ABCB5: variants seen among roughly 807,000 people sequenced by gnomAD.
The protein encoded by ABCB5 is ATP-binding cassette sub-family B member 5.
A neutral mutation model predicts 144.2 loss-of-function variants in ABCB5; 155 were observed. The observed-to-expected ratio is 1.08, with a 90% CI of 0.94 to 1.23. ABCB5 has a LOEUF of 1.23. Ranked by LOEUF, ABCB5 falls within the 50% of genes most tolerant of loss-of-function variation. The probability of loss-of-function intolerance (pLI) is 0.00; values close to 1 mark genes in which losing one functional copy is unlikely to be tolerated. For synonymous variants in ABCB5, 610 were observed against 528.6 expected (o/e 1.15, Z -2.11); for missense variants, 1,830 against 1,520.8 (o/e 1.20, Z -3.38).
chr7:20,635,580 C>T lies in ABCB5; in HGVS notation c.314+3467C>T, dbSNP rs148428986. On this transcript the variant is annotated intron_variant, in intron 5 of 27. Transcript: ENST00000404938. ...CCATTTGTTTGTATCATCTGCAATT[C>T]CTCTCATTGATGTTTTGTAGTTTTC... 2.3e-3 allele frequency among the ~76,000 whole-genome samples: 353 copies of T among 151,722 alleles called. 4 individuals carry two copies. Among genetic ancestry groups the T allele is most frequent in the East Asian group, 0.021 (110 of 5,174 alleles).
intron 25 of ABCB5, among the ~76,000 whole-genome samples, chr7:20,744,406 T>G (rs1043726780): frequency 2.0e-5 from 3 of 152,106 alleles, no homozygotes; most frequent in Non-Finnish European, 4.4e-5. Context: ...CTTTGCAGGC[T>G]CCTTCTCACT....
At position 20,712,158 on chromosome 7, in the gene ABCB5, C is replaced by CAAAAA. The variant is rs34938819; in HGVS notation, c.2421+7371_2421+7375dup. Among the ~76,000 whole-genome samples, 69 of 52,626 alleles carry CAAAAA rather than the reference C, an allele frequency of 1.3e-3. 2 individuals are homozygous for CAAAAA. The highest frequency in any genetic ancestry group is 0.018 in the Middle Eastern group (1 of 56). 34.5% of individuals were successfully genotyped at this position (52,626 alleles called of 152,430 possible). A position where few individuals can be genotyped will look rare whatever the true frequency, so the allele number is the denominator to read the frequency against. On this transcript the variant is annotated intron_variant, in intron 20 of 27. Coordinates refer to ENST00000404938, the MANE Select transcript of ABCB5 (RefSeq NM_001163941.2). ...CCTGGGTGACACAGCAAGACGCCGT[C>CAAAAA]AAAAAAAAAAAAAAAAAAAAAAAAG...
At chr7:20,681,153 G>A (rs1039372435) in intron 14 of ABCB5, among the ~76,000 whole-genome samples, 7 of 143,696 alleles carry the variant, frequency 4.9e-5, no homozygotes, top group African/African-American at 1.0e-4. Flanking sequence ...TTTTTGAGAC[G>A]GAGTTTCCTG....
At chr7:20,656,906 CTTTTTCTTTTTT>C (rs750894530) in intron 13 of ABCB5, among the ~76,000 whole-genome samples, 2 of 135,738 alleles carry the variant, frequency 1.5e-5, no homozygotes, top group African/African-American at 2.8e-5. Flanking sequence ...TTTCTTTTTC[CTTTTTCTTTTTT>C]TTTTTTTTTT....
At chr7:20,674,861 G>T (rs570841129) in intron 14 of ABCB5, among the ~76,000 whole-genome samples, 94 of 151,546 alleles carry the variant, frequency 6.2e-4, no homozygotes, top group African/African-American at 2.1e-3. Flanking sequence ...TTGCATTTCT[G>T]TTCACAACAA....
chr7:20,619,176 G>A (rs1051346986), intron 1 of ABCB5, among the ~76,000 whole-genome samples: 4 of 152,144 alleles, frequency 2.6e-5, no homozygotes, highest in African/African-American at 9.7e-5. Context: ...AAGAGTGCAT[G>A]CGTCTGTTGT....
chr7:20,667,780 T>G (rs908296417), intron 14 of ABCB5, among the ~76,000 whole-genome samples: 1 of 140,312 alleles, frequency 7.1e-6, no homozygotes, highest in African/African-American at 2.6e-5. Context: ...GAGCCAAACC[T>G]GGACTGTACT....
chr7:20,693,122 C>G (rs767756438), intron 16 of ABCB5, among the ~76,000 whole-genome samples: 1 of 152,052 alleles, frequency 6.6e-6, no homozygotes, highest in Non-Finnish European at 1.5e-5. Flanking sequence ...ATATTCTGGA[C>G]TATAACACAA....
intron 5 of ABCB5, among the ~76,000 whole-genome samples, chr7:20,632,653 C>T (rs1360227682): frequency 2.6e-5 from 4 of 152,038 alleles, no homozygotes; most frequent in African/African-American, 9.7e-5. Context: ...GAATGTGGCA[C>T]ATACACACCA....
At position 20,658,748 on chromosome 7, in the gene ABCB5, G is replaced by C. The variant is rs559462138; in HGVS notation, c.1707+72G>C. 41 of 1,535,216 alleles carry C rather than the reference G, an allele frequency of 2.7e-5. No homozygotes were observed. The African/African-American group carries it at 4.8e-4, about 18-fold the overall frequency. On this transcript the variant is annotated intron_variant, in intron 14 of 27. Transcript: ENST00000404938. ...TTGTTTTGAAGTACAAGAAAGTATAGATCTGTAATAGATTACTCAAGTTGA... is the reference window on the plus strand; with the variant it reads ...TTGTTTTGAAGTACAAGAAAGTATACATCTGTAATAGATTACTCAAGTTGA...
chr7:20,715,745 A>ATG (rs1781655272), intron 20 of ABCB5, among the ~76,000 whole-genome samples: 1 of 146,390 alleles, frequency 6.8e-6, no homozygotes, highest in African/African-American at 2.6e-5. Context: ...TTTTTTTGAG[A>ATG]CAGTCTCTCT....
intron 23 of ABCB5, among the ~76,000 whole-genome samples, chr7:20,733,162 G>A (rs943125385): frequency 6.6e-6 from 1 of 151,592 alleles, no homozygotes; most frequent in Admixed American, 6.6e-5. Flanking sequence ...AGATTCCAGA[G>A]GTTTGGTTTA....
At chr7:20,725,440 A>T (rs1583453436) in intron 21 of ABCB5, among the ~76,000 whole-genome samples, 2 of 152,164 alleles carry the variant, frequency 1.3e-5, no homozygotes, top group Admixed American at 1.3e-4. Flanking sequence ...TTAACCAGGT[A>T]TGGTGGCACA....
chr7:20,698,507 C>G lies in ABCB5; in HGVS notation c.2111C>G (p.Thr704Ser). Residue 704 changes from threonine to serine, a missense_variant, in exon 17 of 28, where the codon ACT (threonine) becomes AGT (serine). Thr to Ser is a moderately conservative substitution (Grantham distance 58). Coordinates refer to ENST00000404938, the MANE Select transcript of ABCB5 (RefSeq NM_001163941.2). ...LGTLASVLNG[T>S]VHPVFSIIFA... Reference sequence around the variant, plus strand: ...ACATTGGCTTCTGTTCTAAATGGAACTGTTCATCCAGTATTTTCCATCATC... The same window carrying G: ...ACATTGGCTTCTGTTCTAAATGGAAGTGTTCATCCAGTATTTTCCATCATC... 6.2e-7 allele frequency: 1 copy of G among 1,602,244 alleles called. No individual in the cohort carries two copies. The highest frequency in any genetic ancestry group is 2.3e-5 in the East Asian group (1 of 44,390).
chr7:20,651,722 GGT>G, intron 13 of ABCB5, 99 bp downstream of exon 13: 1 of 1,274,918 alleles, frequency 7.8e-7, no homozygotes, highest in Non-Finnish European at 1.1e-6. Flanking sequence ...GAATAGTAGG[GGT>G]GTGATTAAAT....
At chr7:20,623,185 T>C (rs1783836854) in intron 1 of ABCB5, 80 bp from the exon 2 acceptor site, 2 of 822,730 alleles carry the variant, frequency 2.4e-6, no homozygotes, top group Admixed American at 2.4e-5. Flanking sequence ...GTGAGAGATG[T>C]GGGATGTAAA....
chr7:20,661,180 C>T (rs5011446), intron 14 of ABCB5, among the ~76,000 whole-genome samples: 16,253 of 152,222 alleles, frequency 0.11, 1,052 homozygotes, highest in South Asian at 0.18. Flanking sequence ...TAAGTAAAAG[C>T]CACATTCCTT....
chr7:20,658,794 G>A (rs1037913921), intron 14 of ABCB5, 118 bp downstream of exon 14: 34 of 1,251,792 alleles, frequency 2.7e-5, no homozygotes, highest in Non-Finnish European at 3.5e-5. Flanking sequence ...AAGGTATAAA[G>A]GCAGGATGTT....
chr7:20,659,000 G>A, intron 14 of ABCB5: 1 of 1,552,062 alleles, frequency 6.4e-7, no homozygotes, highest in Non-Finnish European at 8.9e-7. Flanking sequence ...TTATAACCAT[G>A]CCCACCCTTT....
Sources: allele counts gnomAD v4.1 joint callset (sites outside exome capture counted in the v4.1 genomes callset), GRCh38; gene constraint gnomAD v4.1.1; transcripts MANE v1.5; gene names NCBI Gene and HGNC (gene_info 2026-07-23, HGNC 2026-07-21).